The following PIK3CD variants were observed in gnomAD, a reference collection of about 807,000 sequenced individuals.
PIK3CD encodes phosphatidylinositol-4,5-bisphosphate 3-kinase catalytic subunit delta.
Under a neutral mutation model 122.9 loss-of-function variants are expected in PIK3CD, and 20 were observed. The ratio of observed to expected loss-of-function variants is 0.16; its 90% confidence interval spans 0.11 to 0.24. The LOEUF is 0.24. Among genes scored for constraint, PIK3CD ranks in the 10% least tolerant of loss-of-function variants. The pLI, the probability that PIK3CD is intolerant of heterozygous loss-of-function variation, is 1.00. For missense variants in PIK3CD, 787 were observed against 1,406.3 expected (o/e 0.56, Z 7.04); for synonymous variants, 596 against 593.4 (o/e 1.00, Z -0.06).
chr1:9,681,667 C>T (rs1205432301), intron 1 of PIK3CD, among the ~76,000 whole-genome samples: 1 of 152,166 alleles, frequency 6.6e-6, no homozygotes, highest in African/African-American at 2.4e-5. Context: ...GCCTCGGGCT[C>T]CAAAAGTGCT....
At chr1:9,699,746 G>A (rs1192579112) in intron 2 of PIK3CD, among the ~76,000 whole-genome samples, 1 of 152,040 alleles carries the variant, frequency 6.6e-6, no homozygotes, top group Admixed American at 6.6e-5. Flanking sequence ...GTGCCACCAC[G>A]CCTGGCTAAT....
At chr1:9,716,342 C>T (rs906836227) in intron 5 of PIK3CD, 98 bp from the exon 6 acceptor site, 63 of 1,194,838 alleles carry the variant, frequency 5.3e-5, no homozygotes, top group Non-Finnish European at 7.0e-5. Context: ...GTGAACTCCC[C>T]AGACCCTACC....
chr1:9,678,294 A>T (rs1271060837), intron 1 of PIK3CD, among the ~76,000 whole-genome samples: 1 of 151,970 alleles, frequency 6.6e-6, no homozygotes, highest in Non-Finnish European at 1.5e-5. Flanking sequence ...TACAAAAAAC[A>T]GCAACACAAA....
chr1:9,641,477 CG>C, the PIK3CD span, among the ~76,000 whole-genome samples: 1 of 152,004 alleles, frequency 6.6e-6, no homozygotes, highest in Non-Finnish European at 1.5e-5. Flanking sequence ...GTCACACAGC[CG>C]ACAGATGGTG....
Position 9,700,776 on chromosome 1 carries a change from T to G in PIK3CD, c.-33+9205T>G, listed in dbSNP as rs1309993153. 3.9e-5 allele frequency among the ~76,000 whole-genome samples: 6 copies of G among 152,168 alleles called. No individual in the cohort carries two copies. The highest frequency in any genetic ancestry group is 1.2e-4 in the African/African-American group (5 of 41,424). On this transcript the variant is annotated intron_variant, in intron 2 of 23. Transcript: ENST00000377346. This position sits in a 1 kb window ranked among gnomAD's most constrained non-coding sequence, Gnocchi z 5.1. ...ATTTGGTCTAAAATGGGGCTCCGGC[T>G]GTCTTATCCCACCAGAAATCTCTTC... is the stretch of plus-strand genomic sequence containing the variant.
rs1208718421 is a variant in PIK3CD at position 9,704,005 on chromosome 1, A to G, written c.-32-6419A>G. Among the ~76,000 whole-genome samples the G allele has an allele frequency of 6.6e-6, 1 of 152,114 alleles. No homozygotes were observed. Among genetic ancestry groups the G allele is most frequent in the African/African-American group, 2.4e-5 (1 of 41,410 alleles). The stretch of plus-strand genomic sequence containing the variant: ...GGGCATTTCTGAAGTCCCTGTACTC[A>G]CTGGCATCTCTGTCCTGTACATATC... On this transcript the variant is annotated intron_variant, in intron 2 of 23. Transcript: ENST00000377346. This position sits in a 1 kb window ranked among gnomAD's most constrained non-coding sequence, Gnocchi z 5.0.
At chr1:9,639,776 C>T in the PIK3CD span, among the ~76,000 whole-genome samples, 4 of 152,208 alleles carry the variant, frequency 2.6e-5, no homozygotes, top group African/African-American at 9.6e-5. Flanking sequence ...GTCATCCAGG[C>T]TGGAGTGCAG....
At chr1:9,676,336 T>C (rs554804260) in intron 1 of PIK3CD, among the ~76,000 whole-genome samples, 64 of 152,284 alleles carry the variant, frequency 4.2e-4, no homozygotes, top group African/African-American at 1.5e-3. Context: ...CAGCCCCCCA[T>C]AGTGCGTAAG....
chr1:9,637,249 G>A, the PIK3CD span, among the ~76,000 whole-genome samples: 3 of 152,160 alleles, frequency 2.0e-5, no homozygotes, highest in South Asian at 6.2e-4. Context: ...CATAGAAGAG[G>A]CCAGGTATGA....
chr1:9,700,174 A>AG lies in PIK3CD; in HGVS notation c.-33+8605dup, dbSNP rs1175402367. On this transcript the variant is annotated intron_variant, in intron 2 of 23. Transcript: ENST00000377346. This position sits in a 1 kb window ranked among gnomAD's most constrained non-coding sequence, Gnocchi z 5.1. ...TTGAGACAGAGTCTCACTCTTGCCC[A>AG]GGCTGGAATGCAGTGGTGTGATCTC... Among the ~76,000 whole-genome samples the AG allele has an allele frequency of 6.6e-6, 1 of 152,160 alleles. No homozygotes were observed. Among genetic ancestry groups the AG allele is most frequent in the Non-Finnish European group, 1.5e-5 (1 of 68,020 alleles).
At chr1:9,646,289 T>G in the PIK3CD span, among the ~76,000 whole-genome samples, 8 of 152,206 alleles carry the variant, frequency 5.3e-5, no homozygotes, top group African/African-American at 1.7e-4. Flanking sequence ...TAACTTCTCC[T>G]CAGCCCCGGT....
At chr1:9,636,918 G>A in the PIK3CD span, among the ~76,000 whole-genome samples, 3 of 148,320 alleles carry the variant, frequency 2.0e-5, no homozygotes, top group Non-Finnish European at 4.4e-5. Context: ...TTTTTTTTGA[G>A]ACGGAGTCTC....
At chr1:9,694,628 C>T (rs1646332854) in intron 2 of PIK3CD, among the ~76,000 whole-genome samples, 1 of 152,058 alleles carries the variant, frequency 6.6e-6, no homozygotes, top group African/African-American at 2.4e-5. Flanking sequence ...AGTGCCTTTC[C>T]CTTAGATTTG....
intron 1 of PIK3CD, among the ~76,000 whole-genome samples, chr1:9,665,714 T>G (rs142420687): frequency 2.0e-5 from 3 of 152,224 alleles, no homozygotes; most frequent in African/African-American, 4.8e-5. Context: ...TTCTTTCTGT[T>G]TAAACATTTC....
rs369592273 is a variant in PIK3CD at position 9,668,599 on chromosome 1, G to T, written c.-138+16797G>T. On this transcript the variant is annotated intron_variant, in intron 1 of 23. Transcript: ENST00000377346. ...CCAAGCAGTGTACACTGTACCAAATGTGTAGTCTTTTATCCCTCACCCTCT... is the reference window on the plus strand; with the variant it reads ...CCAAGCAGTGTACACTGTACCAAATTTGTAGTCTTTTATCCCTCACCCTCT... Among the ~76,000 whole-genome samples, 61 of 152,154 alleles carry T rather than the reference G, an allele frequency of 4.0e-4. 1 individual carries two copies. In the East Asian group the frequency reaches 0.01, roughly 26 times the overall value.
At chr1:9,684,212 C>T (rs569850580) in intron 1 of PIK3CD, among the ~76,000 whole-genome samples, 27 of 152,202 alleles carry the variant, frequency 1.8e-4, no homozygotes, top group Admixed American at 9.8e-4. Flanking sequence ...AACCACGAGC[C>T]ACACGTGCTT....
At chr1:9,705,325 AAAAAAAAAAAAAAAAAGG>A (rs958526955) in intron 2 of PIK3CD, among the ~76,000 whole-genome samples, 5 of 131,324 alleles carry the variant, frequency 3.8e-5, no homozygotes, top group African/African-American at 1.4e-4. Flanking sequence ...AAAAATACCA[AAAAAAAAAAAAAAAAAGG>A]AAAAAAAAAA....
rs35463378 is a variant in PIK3CD at position 9,674,692 on chromosome 1, C to CAAAAAAAAA, written c.-137-16765_-137-16757dup. Among the ~76,000 whole-genome samples the CAAAAAAAAA allele has an allele frequency of 1.5e-4, 9 of 58,232 alleles. No homozygotes were observed. In the East Asian group the frequency reaches 1.9e-3, roughly 12 times the overall value. 38.2% of individuals were successfully genotyped at this position (58,232 alleles called of 152,430 possible). A position where few individuals can be genotyped will look rare whatever the true frequency, so the allele number is the denominator to read the frequency against. The stretch of plus-strand genomic sequence containing the variant: ...TGGGCGACAGAGCGAGACTCCGTCT[C>CAAAAAAAAA]AAAAAAAAAAAAAAAAAAGAAACAA... On this transcript the variant is annotated intron_variant, in intron 1 of 23. Coordinates refer to ENST00000377346, the MANE Select transcript of PIK3CD (RefSeq NM_005026.5).
At chr1:9,672,834 A>G (rs1645373456) in intron 1 of PIK3CD, 1 of 152,148 alleles carries the variant, frequency 6.6e-6, no homozygotes, top group South Asian at 2.1e-4. Flanking sequence ...AAATGTAAAC[A>G]TTTTATTTTA....
Sources: allele counts gnomAD v4.1 joint callset (sites outside exome capture counted in the v4.1 genomes callset), GRCh38; gene constraint gnomAD v4.1.1; non-coding constraint Gnocchi (gnomAD v3.1); transcripts MANE v1.5; gene names NCBI Gene and HGNC (gene_info 2026-07-23, HGNC 2026-07-21).